Variants in ZUP1 observed in about 807,000 individuals in gnomAD.
ZUP1 encodes zinc finger containing ubiquitin peptidase 1, also known as zinc finger-containing ubiquitin peptidase 1.
Under a neutral mutation model 68.1 loss-of-function variants are expected in ZUP1, and 55 were observed. The ratio of observed to expected loss-of-function variants is 0.81; its 90% confidence interval spans 0.65 to 1.01. The LOEUF (loss-of-function observed/expected upper bound fraction) is 1.01. Among genes scored for constraint, ZUP1 ranks in the 50% least tolerant of loss-of-function variants. ZUP1 has a pLI of 0.00. For synonymous variants in ZUP1, 223 were observed against 221.5 expected (o/e 1.01, Z -0.06); for missense variants, 684 against 674.9 (o/e 1.01, Z -0.15).
chr6:116,660,048 G>A (rs550991147), intron 3 of ZUP1, among the ~76,000 whole-genome samples: 1 of 152,264 alleles, frequency 6.6e-6, no homozygotes, highest in Admixed American at 6.5e-5. Context: ...TCATAAATAA[G>A]AGTAAGAATT....
chr6:116,653,079 G>C (rs991072492), intron 5 of ZUP1, among the ~76,000 whole-genome samples: 2 of 151,972 alleles, frequency 1.3e-5, no homozygotes, highest in African/African-American at 2.4e-5. Flanking sequence ...CCTTTAAAAT[G>C]TCATCGACCC....
rs1775893795 is a variant in ZUP1, at chr6:116,635,749, T to C, written c.*83A>G. On this transcript the variant is annotated 3_prime_UTR_variant, in exon 10 of 10. Transcript: ENST00000368576. The stretch of plus-strand genomic sequence containing the variant: ...AGACTTAAGAGAATTCACAGATTCA[T>C]AATTGTATTAAGGAGTTCAATATCT... 3 of 1,066,962 alleles carry C rather than the reference T, an allele frequency of 2.8e-6. No individual in the cohort carries two copies. The highest frequency in any genetic ancestry group is 1.6e-5 in the South Asian group (1 of 61,730). The allele number at this position is 1,066,962 out of a possible 1,614,324, so 66.1% of individuals were successfully genotyped here. A position where few individuals can be genotyped will look rare whatever the true frequency, so the allele number is the denominator to read the frequency against.
At chr6:116,666,375 A>C (rs907757524) in intron 2 of ZUP1, among the ~76,000 whole-genome samples, 7 of 152,266 alleles carry the variant, frequency 4.6e-5, no homozygotes, top group African/African-American at 1.7e-4. Context: ...GTTAGTGACA[A>C]TAAAAAGAAT....
intron 1 of ZUP1, among the ~76,000 whole-genome samples, chr6:116,667,775 C>T (rs902018195): frequency 2.0e-5 from 3 of 152,094 alleles, no homozygotes; most frequent in Non-Finnish European, 4.4e-5. Flanking sequence ...AGCCAAAATG[C>T]CAACCCCGTC....
At chr6:116,643,653 C>T (rs575620993) in intron 9 of ZUP1, among the ~76,000 whole-genome samples, 5 of 152,146 alleles carry the variant, frequency 3.3e-5, no homozygotes, top group South Asian at 2.1e-4. Flanking sequence ...AGCTGAAACT[C>T]GATCCCTTCC....
At chr6:116,646,033 T>C in intron 8 of ZUP1, 99 bp from the exon 9 acceptor site, 1 of 809,212 alleles carries the variant, frequency 1.2e-6, no homozygotes, top group Non-Finnish European at 1.9e-6. Flanking sequence ...GTGTTTAGAA[T>C]ATAAATACAG....
At chr6:116,644,496 A>G (rs1446348486) in intron 9 of ZUP1, among the ~76,000 whole-genome samples, 3 of 152,214 alleles carry the variant, frequency 2.0e-5, no homozygotes, top group South Asian at 4.1e-4. Flanking sequence ...ATACCATGGA[A>G]TACTATGCAG....
At chr6:116,642,454 T>C (rs370581654) in intron 9 of ZUP1, among the ~76,000 whole-genome samples, 3 of 152,168 alleles carry the variant, frequency 2.0e-5, no homozygotes, top group Admixed American at 6.5e-5. Flanking sequence ...ACTGGCAAAC[T>C]GAATCCAGCA....
At chr6:116,647,433 C>A in intron 8 of ZUP1, 26 bp downstream of exon 8, 2 of 1,481,886 alleles carry the variant, frequency 1.3e-6, no homozygotes, top group Non-Finnish European at 1.8e-6. Context: ...ACAACATTGT[C>A]AAATATGAGT....
At chr6:116,647,417 T>C in intron 8 of ZUP1, 42 bp downstream of exon 8, 2 of 1,433,420 alleles carry the variant, frequency 1.4e-6, no homozygotes, top group South Asian at 3.2e-5. Context: ...ATTTGTTATC[T>C]TATAAACAAC....
At chr6:116,659,272 G>C (rs1776764801) in intron 3 of ZUP1, among the ~76,000 whole-genome samples, 1 of 152,098 alleles carries the variant, frequency 6.6e-6, no homozygotes, top group Admixed American at 6.6e-5. Flanking sequence ...TGGGATTACA[G>C]GTGCCTGCCA....
At chr6:116,639,370 T>C (rs934232972) in intron 9 of ZUP1, among the ~76,000 whole-genome samples, 3 of 152,228 alleles carry the variant, frequency 2.0e-5, no homozygotes, top group Non-Finnish European at 4.4e-5. Flanking sequence ...GATCTGAGAA[T>C]GGGCAGACTG....
At chr6:116,647,764 C>T (rs903123929) in intron 7 of ZUP1, among the ~76,000 whole-genome samples, 154 bp from the exon 8 acceptor site, 1 of 152,102 alleles carries the variant, frequency 6.6e-6, no homozygotes, top group Non-Finnish European at 1.5e-5. Context: ...ATTTTTATTA[C>T]TTATCTAAAA....
chr6:116,647,807 A>G lies in ZUP1; in HGVS notation c.1317-197T>C, dbSNP rs565555814. On this transcript the variant is annotated intron_variant, in intron 7 of 9. Coordinates refer to ENST00000368576, the MANE Select transcript of ZUP1 (RefSeq NM_145062.3). Reference sequence around the variant, plus strand: ...TTTTGTGGGGGATAACTATTTAACAATTCTCCCTATTTAACTATTTAACTA... The same window carrying G: ...TTTTGTGGGGGATAACTATTTAACAGTTCTCCCTATTTAACTATTTAACTA... Among the ~76,000 whole-genome samples the G allele has an allele frequency of 2.6e-5, 4 of 152,288 alleles. No homozygotes were observed. The South Asian group carries it at 8.3e-4, about 32-fold the overall frequency.
At chr6:116,646,598 A>G (rs1207300423) in intron 8 of ZUP1, among the ~76,000 whole-genome samples, 2 of 152,190 alleles carry the variant, frequency 1.3e-5, no homozygotes, top group Non-Finnish European at 2.9e-5. Flanking sequence ...TGTTTTTGAC[A>G]CAGCCTCACT....
At chr6:116,667,251 A>G in intron 1 of ZUP1, 44 bp from the exon 2 acceptor site, 1 of 1,310,594 alleles carries the variant, frequency 7.6e-7, no homozygotes, top group Non-Finnish European at 1.0e-6. Flanking sequence ...TTGAAGAAAA[A>G]ATGTGTTTCA....
At chr6:116,649,468 A>G (rs368636225) in intron 7 of ZUP1, among the ~76,000 whole-genome samples, 3 of 152,214 alleles carry the variant, frequency 2.0e-5, no homozygotes, top group African/African-American at 7.2e-5. Flanking sequence ...CAGAGAACAT[A>G]TAAAAGTAAA....
chr6:116,638,717 C>T (rs575938255), intron 9 of ZUP1, among the ~76,000 whole-genome samples: 16 of 152,208 alleles, frequency 1.1e-4, no homozygotes, highest in African/African-American at 3.6e-4. Flanking sequence ...CCAAGATGGC[C>T]GAATAGGAAC....
intron 7 of ZUP1, among the ~76,000 whole-genome samples, chr6:116,649,728 G>A (rs558822799): frequency 6.6e-5 from 10 of 152,250 alleles, no homozygotes; most frequent in African/African-American, 2.2e-4. Flanking sequence ...CAACCAAATA[G>A]TAACCTTCCG....
Sources: allele counts gnomAD v4.1 joint callset (sites outside exome capture counted in the v4.1 genomes callset), GRCh38; gene constraint gnomAD v4.1.1; transcripts MANE v1.5; gene names NCBI Gene and HGNC (gene_info 2026-07-23, HGNC 2026-07-21).